Variants in FARP1 observed in about 807,000 individuals in gnomAD.
FARP1 encodes the protein FERM, ARHGEF and pleckstrin domain-containing protein 1.
A neutral mutation model predicts 128.8 loss-of-function variants in FARP1; 52 were observed. The ratio of observed to expected loss-of-function variants is 0.40; its 90% CI spans 0.32 to 0.51. The LOEUF is 0.51. Among genes scored for constraint, FARP1 ranks in the 20% least tolerant of loss-of-function variants. The pLI is 0.45. For missense variants in FARP1, 1,333 were observed against 1,367.9 expected (o/e 0.97, Z 0.40); for synonymous variants, 580 against 551.8 (o/e 1.05, Z -0.72).
At chr13:98,320,932 C>T (rs1480942328) in intron 2 of FARP1, among the ~76,000 whole-genome samples, 1 of 152,162 alleles carries the variant, frequency 6.6e-6, no homozygotes, top group Non-Finnish European at 1.5e-5. Context: ...AGCTGTTGTT[C>T]ACTCCCCGAG....
intron 8 of FARP1, chr13:98,386,107 G>A (rs1330769029): frequency 1.3e-5 from 3 of 235,716 alleles, no homozygotes; most frequent in Non-Finnish European, 2.4e-5. Flanking sequence ...TTAGAACACA[G>A]TCTAATGGAA....
At chr13:98,334,926 A>T (rs556304464) in intron 2 of FARP1, among the ~76,000 whole-genome samples, 1 of 152,290 alleles carries the variant, frequency 6.6e-6, no homozygotes, top group South Asian at 2.1e-4. Flanking sequence ...TCTATTGTTT[A>T]AGCCACCCAG....
At chr13:98,253,207 G>T (rs1424654571) in intron 2 of FARP1, among the ~76,000 whole-genome samples, 2 of 152,194 alleles carry the variant, frequency 1.3e-5, no homozygotes, top group Non-Finnish European at 2.9e-5. Flanking sequence ...TTAATCTGAA[G>T]CATTAAGGAA....
chr13:98,209,570 G>A (rs1476537538), intron 1 of FARP1, among the ~76,000 whole-genome samples: 1 of 148,140 alleles, frequency 6.8e-6, no homozygotes, highest in Non-Finnish European at 1.5e-5. Flanking sequence ...GCTGAGGCGG[G>A]TGGATTACTT....
chr13:98,365,306 G>T (rs149155660), intron 3 of FARP1, 89 bp from the exon 4 acceptor site: 1,581 of 1,019,180 alleles, frequency 1.6e-3, no homozygotes, highest in Non-Finnish European at 2.1e-3. Context: ...AAAATATTTT[G>T]ATTTTAAACA....
chr13:98,176,454 C>T lies in FARP1; in HGVS notation c.-24+32962C>T. 1 of 1,614,222 alleles carries T rather than the reference C, an allele frequency of 6.2e-7. No homozygotes were observed. Among genetic ancestry groups the T allele is most frequent in the Non-Finnish European group, 8.5e-7 (1 of 1,180,046 alleles). On this transcript the variant is annotated intron_variant, in intron 1 of 26. Coordinates refer to ENST00000319562, the MANE Select transcript of FARP1 (RefSeq NM_005766.4). The surrounding 1 kb of genome is among the most constrained non-coding windows in gnomAD (Gnocchi z 6.2). ...TGGTGACGACTGGGTTTTGGAAGGC[C>T]TGGCGACATATGAAACACCTGAATG... is the stretch of plus-strand genomic sequence containing the variant.
intron 2 of FARP1, among the ~76,000 whole-genome samples, chr13:98,263,573 A>C (rs192195019): frequency 6.6e-6 from 1 of 152,360 alleles, no homozygotes; most frequent in East Asian, 1.9e-4. Context: ...GAAAATAAAA[A>C]TCATCCATGA....
At chr13:98,370,539 G>A (rs1263709861) in intron 5 of FARP1, among the ~76,000 whole-genome samples, 1 of 147,862 alleles carries the variant, frequency 6.8e-6, no homozygotes, top group Non-Finnish European at 1.5e-5. Context: ...CTTTGAGGGA[G>A]GGAGAGGGGG....
intron 5 of FARP1, among the ~76,000 whole-genome samples, chr13:98,368,929 C>T (rs1889213383): frequency 7.1e-6 from 1 of 141,146 alleles, no homozygotes; most frequent in Admixed American, 7.1e-5. Context: ...TTATATATAC[C>T]TTTTTTTTTT....
At chr13:98,147,232 T>G (rs1875636221) in intron 1 of FARP1, among the ~76,000 whole-genome samples, 1 of 152,210 alleles carries the variant, frequency 6.6e-6, no homozygotes. Flanking sequence ...AATATCATGC[T>G]CGAAGCTTTT....
chr13:98,171,059 C>A (rs1877619163), intron 1 of FARP1, among the ~76,000 whole-genome samples: 1 of 152,088 alleles, frequency 6.6e-6, no homozygotes, highest in South Asian at 2.1e-4. Context: ...TTCTACCAGC[C>A]CTGCCTGGAA....
chr13:98,277,344 T>TTTTCTGTAGAAATATATATATA (rs1884711437), intron 2 of FARP1, among the ~76,000 whole-genome samples: 1 of 152,100 alleles, frequency 6.6e-6, no homozygotes, highest in Non-Finnish European at 1.5e-5. Context: ...TATTTATATA[T>TTTTCTGTAGAAATATATATATA]TTTCTGTAGA....
intron 2 of FARP1, among the ~76,000 whole-genome samples, chr13:98,230,157 G>A (rs1882032487): frequency 1.3e-5 from 2 of 152,102 alleles, no homozygotes; most frequent in South Asian, 2.1e-4. Context: ...AAAAAAATTT[G>A]TCATTGTCTG....
chr13:98,189,768 A>G (rs1305908639), intron 1 of FARP1, among the ~76,000 whole-genome samples: 1 of 152,182 alleles, frequency 6.6e-6, no homozygotes, highest in Non-Finnish European at 1.5e-5. Flanking sequence ...TTTTATTTTC[A>G]GTTTCCCAGG....
intron 1 of FARP1, among the ~76,000 whole-genome samples, chr13:98,199,418 T>G (rs1879794140): frequency 6.6e-6 from 1 of 152,220 alleles, no homozygotes; most frequent in Non-Finnish European, 1.5e-5. Context: ...ATTATTACTT[T>G]GTGTCCTATA....
chr13:98,351,560 T>C (rs1379922681), intron 3 of FARP1, among the ~76,000 whole-genome samples: 5 of 146,638 alleles, frequency 3.4e-5, no homozygotes, highest in Non-Finnish European at 5.9e-5. Context: ...CGCAGTGAGC[T>C]GAGATCACGC....
intron 2 of FARP1, among the ~76,000 whole-genome samples, chr13:98,270,060 A>G (rs1264908977): frequency 1.3e-5 from 2 of 152,326 alleles, no homozygotes; most frequent in East Asian, 3.9e-4. Context: ...AGCTGAGATC[A>G]CTGAATCTAA....
chr13:98,380,077 T>C (rs1889832105), intron 6 of FARP1, among the ~76,000 whole-genome samples: 1 of 152,218 alleles, frequency 6.6e-6, no homozygotes, highest in Admixed American at 6.5e-5. Flanking sequence ...TTGATCTTAC[T>C]CAAAGATTCC....
intron 2 of FARP1, among the ~76,000 whole-genome samples, chr13:98,315,346 T>C (rs116709471): frequency 0.04 from 6,059 of 152,098 alleles, 208 homozygotes; most frequent in African/African-American, 0.093. Flanking sequence ...GCTCAAGCAA[T>C]GCCCCGCCTC....
Sources: gnomAD v4.1 joint callset for allele counts (sites outside exome capture counted in the v4.1 genomes callset) on GRCh38, gnomAD v4.1.1 for gene constraint, Gnocchi (gnomAD v3.1) non-coding constraint, MANE v1.5 for transcripts, NCBI Gene and HGNC (gene_info 2026-07-23, HGNC 2026-07-21) for gene names.